The following CERS6 variants were observed in gnomAD, a reference collection of about 807,000 sequenced individuals.
CERS6 encodes LAG1 homolog, ceramide synthase 6.
A neutral mutation model predicts 56.8 loss-of-function variants in CERS6; 26 were observed. The observed-to-expected ratio is 0.46, with a 90% confidence interval of 0.34 to 0.63. The LOEUF (loss-of-function observed/expected upper bound fraction) is 0.63. CERS6 is among the 30% of genes least tolerant of loss of function. The pLI is 0.01. For synonymous variants in CERS6, 164 were observed against 173.3 expected (o/e 0.95, Z 0.42); for missense variants, 415 against 467.5 (o/e 0.89, Z 1.04).
At chr2:168,562,129 G>A (rs996180969) in intron 3 of CERS6, among the ~76,000 whole-genome samples, 14 of 152,100 alleles carry the variant, frequency 9.2e-5, no homozygotes, top group Non-Finnish European at 1.3e-4. Flanking sequence ...GTTTCCTGAC[G>A]TCTGGTCATT....
chr2:168,701,741 C>T (rs1470441409), intron 6 of CERS6, among the ~76,000 whole-genome samples: 1 of 152,076 alleles, frequency 6.6e-6, no homozygotes, highest in Non-Finnish European at 1.5e-5. Context: ...TTGCGGTACT[C>T]CCACCTGTAA....
At chr2:168,540,601 A>G (rs1695349942) in intron 1 of CERS6, among the ~76,000 whole-genome samples, 4 of 152,236 alleles carry the variant, frequency 2.6e-5, no homozygotes, top group African/African-American at 7.2e-5. Flanking sequence ...TGTGATACTC[A>G]TACAAAGACA....
intron 2 of CERS6, among the ~76,000 whole-genome samples, chr2:168,549,082 TGTAA>T (rs944743980): frequency 9.9e-5 from 15 of 152,158 alleles, no homozygotes; most frequent in African/African-American, 3.6e-4. Context: ...CAGGTTCATT[TGTAA>T]GTGTGATTAT....
At chr2:168,561,698 AT>A (rs1695793207) in intron 3 of CERS6, among the ~76,000 whole-genome samples, 2 of 152,210 alleles carry the variant, frequency 1.3e-5, no homozygotes, top group African/African-American at 4.8e-5. Context: ...AAACTGAGAT[AT>A]TAGGATATAT....
Position 168,543,849 on chromosome 2 carries a change from C to T in CERS6, c.171-3747C>T, listed in dbSNP as rs16855450. 9.2e-3 allele frequency among the ~76,000 whole-genome samples: 1,407 copies of T among 152,270 alleles called. 23 individuals carry two copies. Among genetic ancestry groups the T allele is most frequent in the African/African-American group, 0.031 (1,278 of 41,554 alleles). ...TCAGGCAACTTTGACATTCTAGGGA[C>T]AATAAGTATTAAAGAAGTGGCTTCT... On this transcript the variant is annotated intron_variant, in intron 1 of 9. Transcript: ENST00000305747.
intron 1 of CERS6, among the ~76,000 whole-genome samples, chr2:168,487,344 C>T (rs1211382425): frequency 6.6e-6 from 1 of 152,206 alleles, no homozygotes. Context: ...CTTGCTTAAT[C>T]TCCTTGTCTC....
At chr2:168,510,800 T>C (rs966127239) in intron 1 of CERS6, among the ~76,000 whole-genome samples, 6 of 152,184 alleles carry the variant, frequency 3.9e-5, no homozygotes, top group African/African-American at 1.4e-4. Context: ...TGCTGGGTAA[T>C]TTCTAACTGT....
At chr2:168,744,164 C>G (rs1310159251) in intron 8 of CERS6, among the ~76,000 whole-genome samples, 1 of 151,444 alleles carries the variant, frequency 6.6e-6, no homozygotes, top group Non-Finnish European at 1.5e-5. Flanking sequence ...CACCACCACG[C>G]CCGGCTAATT....
intron 3 of CERS6, among the ~76,000 whole-genome samples, chr2:168,598,892 T>C (rs1223277603): frequency 6.6e-6 from 1 of 152,206 alleles, no homozygotes; most frequent in East Asian, 1.9e-4. Flanking sequence ...TCACAACTAA[T>C]TCACCTCTCT....
Position 168,771,333 on chromosome 2 carries a change from T to G in CERS6, c.*1671T>G, listed in dbSNP as rs1684856429. ...CCCAACCAAAAAATTCTTACCGTAA[T>G]ATTATATCTTGCCCTACTTATTTAC... On this transcript the variant is annotated 3_prime_UTR_variant, in exon 10 of 10. Transcript: ENST00000305747. 6.6e-6 allele frequency: 1 copy of G among 152,250 alleles called. No individual in the cohort carries two copies. Among genetic ancestry groups the G allele is most frequent in the Non-Finnish European group, 1.5e-5 (1 of 68,038 alleles). The allele number at this position is 152,250 out of a possible 1,614,324, so 9.4% of individuals were successfully genotyped here.
chr2:168,533,525 A>C (rs776599147), intron 1 of CERS6, among the ~76,000 whole-genome samples: 1 of 152,188 alleles, frequency 6.6e-6, no homozygotes, highest in Non-Finnish European at 1.5e-5. Flanking sequence ...CTTGTGCCCA[A>C]AGGGAATGCT....
chr2:168,474,136 G>A (rs555617897), intron 1 of CERS6, among the ~76,000 whole-genome samples: 52 of 152,202 alleles, frequency 3.4e-4, no homozygotes, highest in Non-Finnish European at 6.0e-4. Flanking sequence ...TTTTTTCCAC[G>A]TAAGGCCATG....
rs890726400 is a variant in CERS6, at chr2:168,680,260, G to A, written c.466-10774G>A. On this transcript the variant is annotated intron_variant, in intron 4 of 9. Coordinates refer to ENST00000305747, the MANE Select transcript of CERS6 (RefSeq NM_203463.3). ...GGGAAGAGTGGACTTAGTCGTGCACGGTCACAGTGGTCTGCCAAGCAGGCA... is the reference window on the plus strand; with the variant it reads ...GGGAAGAGTGGACTTAGTCGTGCACAGTCACAGTGGTCTGCCAAGCAGGCA... 3.9e-5 allele frequency among the ~76,000 whole-genome samples: 6 copies of A among 152,204 alleles called. 1 individual carries two copies. In the South Asian group the frequency reaches 1.0e-3, roughly 26 times the overall value.
At chr2:168,669,472 G>A (rs1685852859) in intron 4 of CERS6, among the ~76,000 whole-genome samples, 1 of 152,092 alleles carries the variant, frequency 6.6e-6, no homozygotes, top group Non-Finnish European at 1.5e-5. Flanking sequence ...CTTAATGTTG[G>A]GGTTCTATAA....
intron 3 of CERS6, among the ~76,000 whole-genome samples, chr2:168,568,672 C>G (rs1028674872): frequency 6.6e-6 from 1 of 152,214 alleles, no homozygotes; most frequent in African/African-American, 2.4e-5. Flanking sequence ...TAGAACCAGC[C>G]TCATCAGAGT....
At chr2:168,575,048 A>G (rs888928220) in intron 3 of CERS6, among the ~76,000 whole-genome samples, 2 of 152,198 alleles carry the variant, frequency 1.3e-5, no homozygotes, top group African/African-American at 4.8e-5. Flanking sequence ...TCCTTGTGGT[A>G]GAACTGGGAG....
chr2:168,758,881 T>G (rs1218799615), intron 8 of CERS6, among the ~76,000 whole-genome samples: 1 of 152,162 alleles, frequency 6.6e-6, no homozygotes, highest in Non-Finnish European at 1.5e-5. Flanking sequence ...TAAGTCACAG[T>G]GATGCTTAGA....
chr2:168,456,529 G>A lies in CERS6; in HGVS notation c.81G>A (p.Thr27=). 2 of 1,614,084 alleles carry A rather than the reference G, an allele frequency of 1.2e-6. No individual in the cohort carries two copies. The highest frequency in any genetic ancestry group is 1.7e-6 in the Non-Finnish European group (2 of 1,179,938). Residue 27 remains threonine (T), a synonymous_variant, in exon 1 of 10, where the codon ACG becomes ACA. Coordinates refer to ENST00000305747, the MANE Select transcript of CERS6 (RefSeq NM_203463.3). The surrounding 1 kb of genome is among the most constrained non-coding windows in gnomAD (Gnocchi z 4.1). ...TCACCTGGGCGGACCTGAAGAACAC[G>A]GAGGAGGCCACCTTCCCGCAGGCTG... The part of the protein sequence containing the change: ...HNVTWADLKN[T]EEATFPQAED...
chr2:168,768,306 C>T (rs747831698), intron 9 of CERS6, among the ~76,000 whole-genome samples: 9 of 151,446 alleles, frequency 5.9e-5, no homozygotes, highest in South Asian at 2.1e-4. Flanking sequence ...CTTGGCTCAC[C>T]GCAACCTCCA....
Sources: allele counts gnomAD v4.1 joint callset (sites outside exome capture counted in the v4.1 genomes callset), GRCh38; gene constraint gnomAD v4.1.1; non-coding constraint Gnocchi (gnomAD v3.1); transcripts MANE v1.5; gene names NCBI Gene and HGNC (gene_info 2026-07-23, HGNC 2026-07-21).